DOK5: variants seen among roughly 807,000 people sequenced by gnomAD.
DOK5 encodes docking protein 5, also known as downstream of tyrosine kinase 5.
Under a neutral mutation model 43.3 loss-of-function variants are expected in DOK5, and 27 were observed. The ratio of observed to expected loss-of-function variants is 0.62; its 90% confidence interval spans 0.46 to 0.86. The LOEUF is 0.86. DOK5 is among the 40% of genes least tolerant of loss of function. The probability of loss-of-function intolerance (pLI) is 0.00; values close to 1 mark genes in which losing one functional copy is unlikely to be tolerated. For synonymous variants in DOK5, 146 were observed against 140.1 expected (o/e 1.04, Z -0.30); for missense variants, 373 against 392.9 (o/e 0.95, Z 0.43).
intron 2 of DOK5, among the ~76,000 whole-genome samples, chr20:54,586,802 G>A (rs1985816460): frequency 6.6e-6 from 1 of 152,072 alleles, no homozygotes; most frequent in Non-Finnish European, 1.5e-5. Flanking sequence ...GAGAACCACA[G>A]TGTCTTCTGG....
chr20:54,501,328 G>A (rs1460923628), intron 1 of DOK5, among the ~76,000 whole-genome samples: 3 of 151,764 alleles, frequency 2.0e-5, no homozygotes, highest in Non-Finnish European at 4.4e-5. Context: ...TTAGCTGGGC[G>A]TGGTGGTGGG....
intron 1 of DOK5, among the ~76,000 whole-genome samples, chr20:54,525,641 A>G (rs1049789216): frequency 2.0e-5 from 3 of 152,228 alleles, no homozygotes; most frequent in Non-Finnish European, 2.9e-5. Context: ...CAAGAATAAT[A>G]TTAGCTGGGA....
chr20:54,546,024 A>G (rs995335109), intron 1 of DOK5, among the ~76,000 whole-genome samples: 2 of 152,326 alleles, frequency 1.3e-5, no homozygotes, highest in African/African-American at 2.4e-5. Flanking sequence ...AACTTTGCTG[A>G]AAAAATTCCT....
chr20:54,583,011 ATCT>A (rs892789451), intron 2 of DOK5, among the ~76,000 whole-genome samples: 1 of 151,838 alleles, frequency 6.6e-6, no homozygotes, highest in African/African-American at 2.4e-5. Flanking sequence ...TACCATTATA[ATCT>A]TCTTTTTTAG....
intron 2 of DOK5, among the ~76,000 whole-genome samples, chr20:54,572,632 A>G (rs1375414006): frequency 6.6e-6 from 1 of 152,186 alleles, no homozygotes; most frequent in Non-Finnish European, 1.5e-5. Context: ...TGCTATCATA[A>G]TATCTTTTTT....
chr20:54,611,084 T>C (rs1986636213), intron 6 of DOK5, among the ~76,000 whole-genome samples: 1 of 152,200 alleles, frequency 6.6e-6, no homozygotes, highest in African/African-American at 2.4e-5. Context: ...AGTGCAACAC[T>C]TTGTGGGTCA....
At chr20:54,605,012 AATATATAT>A (rs1555835479) in intron 5 of DOK5, among the ~76,000 whole-genome samples, 1,548 of 116,148 alleles carry the variant, frequency 0.013, 45 homozygotes, top group African/African-American at 0.068. Flanking sequence ...AAAAAAAAAA[AATATATAT>A]ATATACACAC....
chr20:54,633,510 T>C (rs1978670267), intron 6 of DOK5, among the ~76,000 whole-genome samples: 2 of 152,188 alleles, frequency 1.3e-5, no homozygotes, highest in Non-Finnish European at 2.9e-5. Context: ...ATTAGTTGGG[T>C]TACATATATG....
Position 54,475,880 on chromosome 20 carries a change from T to G in DOK5, c.-67T>G. The G allele has an allele frequency of 6.3e-7, 1 of 1,592,894 alleles. No individual in the cohort carries two copies. The highest frequency in any genetic ancestry group is 8.6e-7 in the Non-Finnish European group (1 of 1,168,692). On this transcript the variant is annotated 5_prime_UTR_variant, in exon 1 of 8. Coordinates refer to ENST00000262593, the MANE Select transcript of DOK5 (RefSeq NM_018431.5). The surrounding 1 kb of genome is among the most constrained non-coding windows in gnomAD (Gnocchi z 4.2). ...CCGACTGCTTGTCTTGACCCTGCCC[T>G]CCACCCTCCCCAGAGCCACTTCGGG...
chr20:54,590,554 A>G lies in DOK5; in HGVS notation c.410-1062A>G, dbSNP rs540129067. Among the ~76,000 whole-genome samples the G allele has an allele frequency of 9.2e-5, 14 of 152,282 alleles. No individual in the cohort carries two copies. In the East Asian group the frequency reaches 1.9e-3, roughly 21 times the overall value. ...GCTCAATTAGAATACATTTTTAAAT[A>G]TGATTACTAGAAATCAACAAATATT... On this transcript the variant is annotated intron_variant, in intron 4 of 7. Transcript: ENST00000262593.
chr20:54,489,514 A>G (rs1982079326), intron 1 of DOK5, among the ~76,000 whole-genome samples: 1 of 152,140 alleles, frequency 6.6e-6, no homozygotes, highest in South Asian at 2.1e-4. Context: ...ATAGTTTTGA[A>G]TAATTCGATA....
At chr20:54,596,992 T>C (rs1986161672) in intron 5 of DOK5, among the ~76,000 whole-genome samples, 2 of 152,228 alleles carry the variant, frequency 1.3e-5, no homozygotes, top group Admixed American at 1.3e-4. Context: ...ATATATACTA[T>C]GTGTCAAGCA....
intron 5 of DOK5, among the ~76,000 whole-genome samples, chr20:54,603,202 C>T (rs149560064): frequency 6.6e-6 from 1 of 152,320 alleles, no homozygotes; most frequent in East Asian, 1.9e-4. Flanking sequence ...GCAAGTGATA[C>T]ATGATGTGTT....
At chr20:54,633,351 A>G (rs575168143) in intron 6 of DOK5, among the ~76,000 whole-genome samples, 22 of 152,296 alleles carry the variant, frequency 1.4e-4, no homozygotes, top group Admixed American at 1.2e-3. Flanking sequence ...GGTAGTGTAG[A>G]TGAGAGCCGA....
chr20:54,646,730 T>C (rs545700940), intron 7 of DOK5, among the ~76,000 whole-genome samples: 4 of 152,182 alleles, frequency 2.6e-5, no homozygotes, highest in Non-Finnish European at 5.9e-5. Flanking sequence ...CTACTTTTCA[T>C]ACCCCTTAGA....
At chr20:54,621,462 C>A (rs547380956) in intron 6 of DOK5, among the ~76,000 whole-genome samples, 25 of 152,250 alleles carry the variant, frequency 1.6e-4, no homozygotes, top group Non-Finnish European at 2.9e-5. Context: ...AAGGCTGAAG[C>A]GGGCAGATCA....
intron 7 of DOK5, among the ~76,000 whole-genome samples, chr20:54,645,908 G>A (rs1018555579): frequency 1.0e-4 from 13 of 124,994 alleles, no homozygotes; most frequent in Non-Finnish European, 1.6e-4. Flanking sequence ...AGAGAGCATG[G>A]CACATAGCAG....
chr20:54,619,271 C>T (rs757069735), intron 6 of DOK5, among the ~76,000 whole-genome samples: 20 of 151,270 alleles, frequency 1.3e-4, no homozygotes, highest in Admixed American at 8.6e-4. Context: ...GTGAATGAGG[C>T]GGGGAGGCGA....
At chr20:54,508,862 G>T (rs1464853972) in intron 1 of DOK5, among the ~76,000 whole-genome samples, 1 of 151,866 alleles carries the variant, frequency 6.6e-6, no homozygotes, top group African/African-American at 2.4e-5. Context: ...TTACAGGTGT[G>T]AGCCACTGTG....
Sources: gnomAD v4.1 joint callset for allele counts (sites outside exome capture counted in the v4.1 genomes callset) on GRCh38, gnomAD v4.1.1 for gene constraint, Gnocchi (gnomAD v3.1) non-coding constraint, MANE v1.5 for transcripts, NCBI Gene and HGNC (gene_info 2026-07-23, HGNC 2026-07-21) for gene names.